Variants in SLC7A1 observed in about 807,000 individuals in gnomAD.
SLC7A1 encodes the protein solute carrier family 7 member 1, also known as high affinity cationic amino acid transporter 1.
Under a neutral mutation model 53.9 loss-of-function variants are expected in SLC7A1, and 10 were observed. The ratio of observed to expected loss-of-function variants is 0.19; its 90% CI spans 0.11 to 0.31. The LOEUF (loss-of-function observed/expected upper bound fraction) is 0.31. Among genes scored for constraint, SLC7A1 ranks in the 10% least tolerant of loss-of-function variants. SLC7A1 has a pLI of 1.00. For synonymous variants in SLC7A1, 342 were observed against 338.7 expected, an observed-to-expected ratio of 1.01 and a Z score of -0.11; for missense variants, 525 against 827.2, an observed-to-expected ratio of 0.63 and a Z score of 4.48.
chr13:29,564,683 A>G (rs563809115), intron 1 of SLC7A1, among the ~76,000 whole-genome samples: 1 of 152,334 alleles, frequency 6.6e-6, no homozygotes, highest in African/African-American at 2.4e-5. Flanking sequence ...TGAGGAAGAC[A>G]TTGATATCAA....
At chr13:29,572,853 G>A (rs947492140) in intron 1 of SLC7A1, among the ~76,000 whole-genome samples, 6 of 152,098 alleles carry the variant, frequency 3.9e-5, no homozygotes, top group Non-Finnish European at 8.8e-5. Flanking sequence ...ACACACAACC[G>A]CAAGGGCCAA....
chr13:29,543,793 G>A (rs1052252836), intron 2 of SLC7A1, among the ~76,000 whole-genome samples: 1 of 151,598 alleles, frequency 6.6e-6, no homozygotes, highest in Admixed American at 6.6e-5. Context: ...ACAGGAGGAG[G>A]GAGGGGGTGG....
intron 1 of SLC7A1, among the ~76,000 whole-genome samples, chr13:29,578,947 G>A (rs891081159): frequency 2.6e-5 from 4 of 152,160 alleles, no homozygotes; most frequent in Admixed American, 6.5e-5. Flanking sequence ...TCTTCATTCC[G>A]CTGGGGAAAA....
chr13:29,562,360 G>C (rs1336754315), intron 1 of SLC7A1, among the ~76,000 whole-genome samples: 1 of 152,170 alleles, frequency 6.6e-6, no homozygotes, highest in Non-Finnish European at 1.5e-5. Context: ...TGTATACACA[G>C]GTTGGGTGTC....
chr13:29,565,939 T>C (rs972474146), intron 1 of SLC7A1, among the ~76,000 whole-genome samples: 5 of 152,148 alleles, frequency 3.3e-5, no homozygotes, highest in Non-Finnish European at 7.3e-5. Flanking sequence ...CTGTCTAGAC[T>C]CTCACACCTC....
intron 3 of SLC7A1, among the ~76,000 whole-genome samples, chr13:29,534,086 T>G (rs1869296092): frequency 6.6e-6 from 1 of 152,192 alleles, no homozygotes; most frequent in African/African-American, 2.4e-5. Flanking sequence ...CCAAAGCAGC[T>G]GGCTTATGGC....
chr13:29,555,379 A>AAAAAAAAAAAAAT (rs1870393269), intron 1 of SLC7A1, among the ~76,000 whole-genome samples: 1 of 143,660 alleles, frequency 7.0e-6, no homozygotes. Context: ...AAAAAAAAAA[A>AAAAAAAAAAAAAT]AAGAATTACA....
At chr13:29,537,977 C>T (rs929078503) in intron 2 of SLC7A1, among the ~76,000 whole-genome samples, 4 of 152,220 alleles carry the variant, frequency 2.6e-5, no homozygotes, top group African/African-American at 7.2e-5. Flanking sequence ...CACACTGCAG[C>T]TCAGGGCCCC....
At chr13:29,587,686 T>C (rs1456640825) in intron 1 of SLC7A1, among the ~76,000 whole-genome samples, 1 of 152,184 alleles carries the variant, frequency 6.6e-6, no homozygotes, top group African/African-American at 2.4e-5. Context: ...TGGATATTTA[T>C]TAACGATCTC....
Position 29,509,621 on chromosome 13 carries a change from C to T in SLC7A1, c.*4859G>A, listed in dbSNP as rs1883336777. On this transcript the variant is annotated 3_prime_UTR_variant, in exon 13 of 13. Transcript: ENST00000380752. ...TAAAGTAAAATAAAAGCAGGAGAGA[C>T]CCAGCAGAGACCAACCTGATTTGCA... 1 of 152,214 alleles carries T rather than the reference C, an allele frequency of 6.6e-6. No homozygotes were observed. The highest frequency in any genetic ancestry group is 6.6e-5 in the Admixed American group (1 of 15,200). The allele number at this position is 152,214 out of a possible 1,614,324, so 9.4% of individuals were successfully genotyped here. A position where few individuals can be genotyped will look rare whatever the true frequency, so the allele number is the denominator to read the frequency against.
At chr13:29,527,316 A>G (rs773357765) in intron 5 of SLC7A1, among the ~76,000 whole-genome samples, 7 of 152,198 alleles carry the variant, frequency 4.6e-5, no homozygotes, top group African/African-American at 7.2e-5. Context: ...TCTTTTTTAA[A>G]GCGTTATGAA....
At chr13:29,557,616 C>G (rs1045956073) in intron 1 of SLC7A1, among the ~76,000 whole-genome samples, 5 of 147,542 alleles carry the variant, frequency 3.4e-5, no homozygotes, top group African/African-American at 5.1e-5. Flanking sequence ...ATGAACGAAG[C>G]CTGCAGGACT....
chr13:29,514,745 G>A (rs768015353), intron 12 of SLC7A1, among the ~76,000 whole-genome samples, 162 bp from the exon 13 acceptor site: 4 of 152,192 alleles, frequency 2.6e-5, no homozygotes, highest in Non-Finnish European at 5.9e-5. Flanking sequence ...TCCACATCTG[G>A]AGCAGCTGCC....
At chr13:29,567,578 C>G (rs1296667560) in intron 1 of SLC7A1, among the ~76,000 whole-genome samples, 2 of 152,222 alleles carry the variant, frequency 1.3e-5, no homozygotes, top group African/African-American at 4.8e-5. Context: ...GCAGCCTTTT[C>G]TCTGCCAAGG....
intron 1 of SLC7A1, among the ~76,000 whole-genome samples, chr13:29,577,588 G>A (rs187844903): frequency 9.2e-5 from 14 of 152,308 alleles, no homozygotes; most frequent in African/African-American, 2.4e-4. Flanking sequence ...TTGTGTCCAC[G>A]CTGGGGCTGC....
At chr13:29,592,875 C>T (rs759057937) in intron 1 of SLC7A1, among the ~76,000 whole-genome samples, 27 of 152,062 alleles carry the variant, frequency 1.8e-4, no homozygotes, top group Non-Finnish European at 3.8e-4. Context: ...ACCTTTGAAC[C>T]CCATGTATGG....
chr13:29,541,143 C>G (rs1869647810), intron 2 of SLC7A1, among the ~76,000 whole-genome samples: 2 of 152,170 alleles, frequency 1.3e-5, no homozygotes, highest in South Asian at 4.1e-4. Flanking sequence ...AGGAAGTGAT[C>G]TCAAAGCAGG....
intron 3 of SLC7A1, among the ~76,000 whole-genome samples, chr13:29,533,273 T>TTA (rs3837579): frequency 0.21 from 31,777 of 152,004 alleles, 3,481 homozygotes; most frequent in African/African-American, 0.22. Flanking sequence ...AAAACGAGTG[T>TTA]TACCCTTACC....
At chr13:29,562,775 A>T (rs572485174) in intron 1 of SLC7A1, among the ~76,000 whole-genome samples, 1 of 152,358 alleles carries the variant, frequency 6.6e-6, no homozygotes, top group South Asian at 2.1e-4. Flanking sequence ...TGTTGAAAAG[A>T]CCACACAATC....
Sources: allele counts gnomAD v4.1 joint callset (sites outside exome capture counted in the v4.1 genomes callset), GRCh38; gene constraint gnomAD v4.1.1; transcripts MANE v1.5; gene names NCBI Gene and HGNC (gene_info 2026-07-23, HGNC 2026-07-21).